DAB1: variants seen among roughly 807,000 people sequenced by gnomAD.
DAB1 encodes disabled homolog 1.
A neutral mutation model predicts 64.6 loss-of-function variants in DAB1; 15 were observed. The ratio of observed to expected loss-of-function variants is 0.23; its 90% CI spans 0.16 to 0.36. The LOEUF (loss-of-function observed/expected upper bound fraction) is 0.36, where lower values mean the gene tolerates loss of function less well. DAB1 is among the 10% of genes least tolerant of loss of function. DAB1 has a pLI of 1.00. For missense variants in DAB1, 596 were observed against 706.7 expected (o/e 0.84, Z 1.78); for synonymous variants, 235 against 251.9 (o/e 0.93, Z 0.64).
At chr1:57,772,323 T>C (rs1444669928) in intron 6 of DAB1, among the ~76,000 whole-genome samples, 1 of 152,154 alleles carries the variant, frequency 6.6e-6, no homozygotes. Context: ...CTGTTAATTA[T>C]AAATTACCAA....
intron 5 of DAB1, among the ~76,000 whole-genome samples, chr1:58,106,336 C>T (rs1291528927): frequency 1.3e-5 from 2 of 151,968 alleles, no homozygotes; most frequent in Non-Finnish European, 2.9e-5. Flanking sequence ...CACACCACCA[C>T]ACCCAGCTAA....
At chr1:58,488,649 T>A (rs1645618702) in intron 3 of DAB1, among the ~76,000 whole-genome samples, 1 of 152,162 alleles carries the variant, frequency 6.6e-6, no homozygotes, top group African/African-American at 2.4e-5. Context: ...ACAGGGTTTC[T>A]CCATGTTGGT....
intron 3 of DAB1, among the ~76,000 whole-genome samples, chr1:58,440,405 G>A (rs1644995086): frequency 6.6e-6 from 1 of 152,222 alleles, no homozygotes; most frequent in South Asian, 2.1e-4. Flanking sequence ...TGTGGCTGAG[G>A]TCGCAGGAGC....
At chr1:57,738,527 C>A (rs1647805675) in intron 6 of DAB1, among the ~76,000 whole-genome samples, 1 of 152,048 alleles carries the variant, frequency 6.6e-6, no homozygotes, top group Non-Finnish European at 1.5e-5. Context: ...CTACAGCCAA[C>A]AACCTATTTC....
At chr1:57,373,243 C>A (rs1680639816) in intron 1 of DAB1, among the ~76,000 whole-genome samples, 1 of 152,086 alleles carries the variant, frequency 6.6e-6, no homozygotes, top group Admixed American at 6.6e-5. Flanking sequence ...TCATTGGAAT[C>A]CTTAGGTGCT....
chr1:57,628,056 C>T (rs755227312), intron 7 of DAB1, among the ~76,000 whole-genome samples: 2 of 152,114 alleles, frequency 1.3e-5, no homozygotes, highest in African/African-American at 4.8e-5. Flanking sequence ...CTGCCACAGG[C>T]GATGGTGAAG....
intron 4 of DAB1, among the ~76,000 whole-genome samples, chr1:58,173,701 A>C (rs1455216766): frequency 4.6e-5 from 7 of 152,158 alleles, no homozygotes; most frequent in African/African-American, 1.4e-4. Flanking sequence ...TTTAACATAC[A>C]CAACCAGTTC....
At chr1:57,461,840 A>G (rs906732374) in intron 7 of DAB1, among the ~76,000 whole-genome samples, 2 of 151,718 alleles carry the variant, frequency 1.3e-5, no homozygotes, top group Non-Finnish European at 2.9e-5. Context: ...TCTTAATAAT[A>G]TAATATTTAT....
chr1:58,196,904 T>C (rs947819263), intron 4 of DAB1, among the ~76,000 whole-genome samples: 2 of 152,158 alleles, frequency 1.3e-5, no homozygotes, highest in African/African-American at 4.8e-5. Flanking sequence ...AGAACATTCC[T>C]TTTCCTCCTG....
At chr1:58,003,709 C>T (rs1440140776) in intron 5 of DAB1, among the ~76,000 whole-genome samples, 2 of 152,166 alleles carry the variant, frequency 1.3e-5, no homozygotes, top group African/African-American at 4.8e-5. Flanking sequence ...TCTGTGGATG[C>T]TTCCCGGGCA....
At chr1:57,228,110 T>C (rs1375289570) in intron 2 of DAB1, among the ~76,000 whole-genome samples, 1 of 152,202 alleles carries the variant, frequency 6.6e-6, no homozygotes, top group South Asian at 2.1e-4. Flanking sequence ...GTGCCTATAA[T>C]AGGGCCTGGA....
chr1:57,955,415 A>T (rs570880820), intron 5 of DAB1, among the ~76,000 whole-genome samples: 2 of 152,320 alleles, frequency 1.3e-5, no homozygotes, highest in South Asian at 2.1e-4. Context: ...TTCTACTGTC[A>T]GTCAAGCCCA....
At chr1:58,488,970 AGAT>A (rs1310399878) in intron 3 of DAB1, among the ~76,000 whole-genome samples, 1 of 152,260 alleles carries the variant, frequency 6.6e-6, no homozygotes, top group Non-Finnish European at 1.5e-5. Flanking sequence ...GCTGGAGCCA[AGAT>A]GGCCAAATAG....
chr1:57,373,005 C>G (rs1197990824), intron 1 of DAB1, among the ~76,000 whole-genome samples: 1 of 128,766 alleles, frequency 7.8e-6, no homozygotes, highest in Non-Finnish European at 1.6e-5. Flanking sequence ...AGTGAGACTA[C>G]GTCTCTAGAA....
chr1:58,503,665 T>C (rs1161319483), intron 3 of DAB1, among the ~76,000 whole-genome samples: 1 of 152,074 alleles, frequency 6.6e-6, no homozygotes, highest in Non-Finnish European at 1.5e-5. Flanking sequence ...TTGCCCCTTC[T>C]ACCATGTGAG....
chr1:58,285,810 A>G (rs1156302870), intron 4 of DAB1, among the ~76,000 whole-genome samples: 1 of 152,196 alleles, frequency 6.6e-6, no homozygotes, highest in South Asian at 2.1e-4. Flanking sequence ...AATTAGAAAA[A>G]CCTATTTTAA....
intron 5 of DAB1, among the ~76,000 whole-genome samples, chr1:58,097,145 C>T (rs1392473899): frequency 1.3e-5 from 2 of 152,184 alleles, no homozygotes; most frequent in Non-Finnish European, 2.9e-5. Flanking sequence ...CTCATACATG[C>T]TTTACATTTA....
At chr1:57,710,148 T>A (rs1647011257) in intron 6 of DAB1, among the ~76,000 whole-genome samples, 1 of 152,224 alleles carries the variant, frequency 6.6e-6, no homozygotes, top group African/African-American at 2.4e-5. Flanking sequence ...TAGTGCCTAC[T>A]GACTCTCACC....
chr1:57,914,021 G>C (rs1644688487), intron 5 of DAB1, among the ~76,000 whole-genome samples: 1 of 152,176 alleles, frequency 6.6e-6, no homozygotes, highest in Non-Finnish European at 1.5e-5. Flanking sequence ...TTCAACCACT[G>C]TGGAAGTCAG....
Sources: gnomAD v4.1 joint callset for allele counts (sites outside exome capture counted in the v4.1 genomes callset) on GRCh38, gnomAD v4.1.1 for gene constraint, MANE v1.5 for transcripts, NCBI Gene and HGNC (gene_info 2026-07-23, HGNC 2026-07-21) for gene names.